Variants in BCL2L13 observed in about 807,000 individuals in gnomAD.
BCL2L13 encodes the protein bcl-2-like protein 13.
BCL2L13 carries 13 observed loss-of-function variants against 25.8 expected under a neutral mutation model. The ratio of observed to expected loss-of-function variants is 0.50; its 90% CI spans 0.33 to 0.80. The LOEUF (loss-of-function observed/expected upper bound fraction) is 0.80, where lower values mean the gene tolerates loss of function less well. Among genes scored for constraint, BCL2L13 ranks in the 30% least tolerant of loss-of-function variants. The pLI, the probability that BCL2L13 is intolerant of heterozygous loss-of-function variation, is 0.02. For missense variants in BCL2L13, 504 were observed against 574.9 expected, an observed-to-expected ratio of 0.88 and a Z score of 1.26; for synonymous variants, 244 against 230.3, an observed-to-expected ratio of 1.06 and a Z score of -0.54.
chr22:17,630,912 T>C (rs975595668), intron 1 of BCL2L13, among the ~76,000 whole-genome samples: 6 of 151,536 alleles, frequency 4.0e-5, no homozygotes, highest in Admixed American at 1.3e-4. Flanking sequence ...TTAATAACCT[T>C]ACTTTTTAAC....
Position 17,683,288 on chromosome 22 carries a change from G to A in BCL2L13, c.196G>A (p.Glu66Lys). 2 of 1,589,292 alleles carry A rather than the reference G, an allele frequency of 1.3e-6. No homozygotes were observed. Among genetic ancestry groups the A allele is most frequent in the Non-Finnish European group, 1.7e-6 (2 of 1,163,612 alleles). The change falls in exon 3 of 7, where the codon GAG (glutamate) becomes AAG (lysine). Residue 66 changes from glutamate to lysine, a missense_variant. Transcript: ENST00000317582. ...AAAAGTTAAAACTGAAATTGAAGAA[G>A]AGCTAAAATCTCTGGACAAAGAAAT... ...LLKVKTEIEEELKSLDKEISE... is the reference protein window; with the variant it reads ...LLKVKTEIEEKLKSLDKEISE...
chr22:17,719,047 G>A (rs1158095971), intron 6 of BCL2L13, among the ~76,000 whole-genome samples: 4 of 151,120 alleles, frequency 2.6e-5, no homozygotes, highest in African/African-American at 7.3e-5. Context: ...CCAGCTACTT[G>A]GGAGGCTGAG....
At chr22:17,719,637 T>C (rs957341946) in intron 6 of BCL2L13, among the ~76,000 whole-genome samples, 3 of 152,046 alleles carry the variant, frequency 2.0e-5, no homozygotes, top group Admixed American at 2.0e-4. Context: ...GAGACCATCC[T>C]GGCCAACTTG....
At chr22:17,658,569 C>T (rs1267405702) in intron 2 of BCL2L13, among the ~76,000 whole-genome samples, 1 of 151,910 alleles carries the variant, frequency 6.6e-6, no homozygotes, top group African/African-American at 2.4e-5. Context: ...TGGCACACGC[C>T]TGTAATCCCA....
rs1441225149 is a variant in BCL2L13, at chr22:17,730,161, AAC to A, written c.*2629_*2630del. 3 of 152,154 alleles carry A rather than the reference AAC, an allele frequency of 2.0e-5. No homozygotes were observed. Among genetic ancestry groups the A allele is most frequent in the East Asian group, 1.9e-4 (1 of 5,198 alleles). 9.4% of individuals were successfully genotyped at this position (152,154 alleles called of 1,614,324 possible). ...AGGTAATGATTTATTGGGGGGAAAA[AAC>A]AACGCCAATTTATCCTCTCTGTATT... On this transcript the variant is annotated 3_prime_UTR_variant, in exon 7 of 7. Coordinates refer to ENST00000317582, the MANE Select transcript of BCL2L13 (RefSeq NM_015367.4).
At chr22:17,671,734 A>T (rs972187636) in intron 2 of BCL2L13, among the ~76,000 whole-genome samples, 1 of 151,920 alleles carries the variant, frequency 6.6e-6, no homozygotes. Context: ...TTTCAGACAG[A>T]GTCTCACACT....
chr22:17,671,502 G>C (rs1180397976), intron 2 of BCL2L13, among the ~76,000 whole-genome samples: 2 of 151,166 alleles, frequency 1.3e-5, no homozygotes, highest in African/African-American at 4.9e-5. Context: ...GGGCAGCAGA[G>C]GTTGAAGTGA....
At chr22:17,712,344 A>G (rs1055261394) in intron 6 of BCL2L13, among the ~76,000 whole-genome samples, 5 of 152,238 alleles carry the variant, frequency 3.3e-5, no homozygotes, top group Non-Finnish European at 2.9e-5. Context: ...ACATTACATT[A>G]CAGAGATTTG....
chr22:17,673,411 A>G (rs1355940020), intron 2 of BCL2L13, among the ~76,000 whole-genome samples: 2 of 141,652 alleles, frequency 1.4e-5, no homozygotes, highest in Admixed American at 7.5e-5. Flanking sequence ...ACTGTCACCC[A>G]GGCTGGAGTG....
At chr22:17,661,596 A>G (rs1439128562) in intron 2 of BCL2L13, among the ~76,000 whole-genome samples, 1 of 146,134 alleles carries the variant, frequency 6.8e-6, no homozygotes, top group Non-Finnish European at 1.6e-5. Flanking sequence ...GCTATTTTAA[A>G]TGATTGCCAT....
intron 6 of BCL2L13, chr22:17,706,826 G>A (rs761106358): frequency 7.4e-7 from 1 of 1,351,976 alleles, no homozygotes; most frequent in South Asian, 1.1e-5. Context: ...GTCCACTGTG[G>A]TAAGGCTTGT....
Position 17,683,195 on chromosome 22 carries a change from C to T in BCL2L13, c.122-19C>T. The T allele has an allele frequency of 7.5e-7, 1 of 1,328,164 alleles. No individual in the cohort carries two copies. Among genetic ancestry groups the T allele is most frequent in the African/African-American group, 1.5e-5 (1 of 67,680 alleles). The allele number at this position is 1,328,164 out of a possible 1,614,324, so 82.3% of individuals were successfully genotyped here. A position where few individuals can be genotyped will look rare whatever the true frequency, so the allele number is the denominator to read the frequency against. On this transcript the variant is annotated intron_variant, in intron 2 of 6. Transcript: ENST00000317582. ...TTCTCTCTCCCTCTTTCAATAATAA[C>T]CTTTTTTGTTGCTTTCAGGGGTTCA... is the stretch of plus-strand genomic sequence containing the variant.
intron 3 of BCL2L13, among the ~76,000 whole-genome samples, chr22:17,685,308 C>A (rs1365139643): frequency 1.3e-5 from 2 of 152,112 alleles, no homozygotes; most frequent in African/African-American, 4.8e-5. Context: ...TCACTGCAAC[C>A]TCCGACTTTA....
chr22:17,670,339 G>T (rs892044309), intron 2 of BCL2L13, among the ~76,000 whole-genome samples: 1 of 147,576 alleles, frequency 6.8e-6, no homozygotes, highest in African/African-American at 2.5e-5. Flanking sequence ...TTAATGTGTA[G>T]ATCAATTTGG....
chr22:17,676,285 A>T (rs2059573486), intron 2 of BCL2L13, among the ~76,000 whole-genome samples: 1 of 134,590 alleles, frequency 7.4e-6, no homozygotes, highest in South Asian at 2.5e-4. Context: ...AACATGGCAG[A>T]ACCCTATCTC....
chr22:17,727,510 A>G lies in BCL2L13; in HGVS notation c.1434A>G (p.Val478=). ...AVAILAVAIG[V]ALALRKK ...CCATCCTGGCAGTGGCCATCGGGGT[A>G]GCCCTGGCTCTGAGAAAGAAATAGG... Residue 478 remains valine, a synonymous_variant, in exon 7 of 7, where the codon GTA becomes GTG. Coordinates refer to ENST00000317582, the MANE Select transcript of BCL2L13 (RefSeq NM_015367.4). 1 of 1,614,220 alleles carries G rather than the reference A, an allele frequency of 6.2e-7. No individual in the cohort carries two copies. Among genetic ancestry groups the G allele is most frequent in the Non-Finnish European group, 8.5e-7 (1 of 1,180,028 alleles).
chr22:17,711,652 T>C (rs1213187569), intron 6 of BCL2L13, among the ~76,000 whole-genome samples: 1 of 152,148 alleles, frequency 6.6e-6, no homozygotes, highest in Non-Finnish European at 1.5e-5. Context: ...GCCCTAAAGG[T>C]CTGTTTACTG....
chr22:17,644,986 T>G (rs1288611146), intron 1 of BCL2L13, among the ~76,000 whole-genome samples: 1 of 149,754 alleles, frequency 6.7e-6, no homozygotes, highest in Non-Finnish European at 1.5e-5. Flanking sequence ...ATTTTTTGTA[T>G]TTTTAGTAGA....
At chr22:17,700,708 C>G (rs2060408217) in intron 5 of BCL2L13, among the ~76,000 whole-genome samples, 1 of 152,094 alleles carries the variant, frequency 6.6e-6, no homozygotes, top group African/African-American at 2.4e-5. Context: ...CTTTATAGCC[C>G]TATACTACTC....
Sources: allele counts gnomAD v4.1 joint callset (sites outside exome capture counted in the v4.1 genomes callset), GRCh38; gene constraint gnomAD v4.1.1; transcripts MANE v1.5; gene names NCBI Gene and HGNC (gene_info 2026-07-23, HGNC 2026-07-21).